The following DGAT2 variants were observed in gnomAD, a reference collection of about 807,000 sequenced individuals.
DGAT2 encodes diacylglycerol O-acyltransferase 2.
In DGAT2, 33 loss-of-function variants were observed where a neutral mutation model predicts 48.4. The observed-to-expected ratio is 0.68, with a 90% confidence interval of 0.52 to 0.91. The LOEUF (loss-of-function observed/expected upper bound fraction) is 0.91. DGAT2 is among the 40% of genes least tolerant of loss of function. The pLI is 0.00. For missense variants in DGAT2, 446 were observed against 493.7 expected (o/e 0.90, Z 0.92); for synonymous variants, 191 against 194.1 (o/e 0.98, Z 0.13).
intron 1 of DGAT2, among the ~76,000 whole-genome samples, 154 bp downstream of exon 1, chr11:75,769,266 C>A (rs1944732425): frequency 6.6e-6 from 1 of 152,178 alleles, no homozygotes; most frequent in Admixed American, 6.5e-5. Flanking sequence ...TCCACCCGCC[C>A]CCCAGCTTGT....
Position 75,801,031 on chromosome 11 carries a change from C to A in DGAT2, c.*523C>A. The A allele has an allele frequency of 6.3e-6, 1 of 158,000 alleles. No homozygotes were observed. The highest frequency in any genetic ancestry group is 1.4e-5 in the Non-Finnish European group (1 of 71,720). 9.8% of individuals were successfully genotyped at this position (158,000 alleles called of 1,614,324 possible). On this transcript the variant is annotated 3_prime_UTR_variant, in exon 8 of 8. Coordinates refer to ENST00000228027, the MANE Select transcript of DGAT2 (RefSeq NM_032564.5). Reference sequence around the variant, plus strand: ...GGCATCTGGAATGCTCCAGTTTGATCTCCCTTCTGCCACCCCTACCTCACC... The same window carrying A: ...GGCATCTGGAATGCTCCAGTTTGATATCCCTTCTGCCACCCCTACCTCACC...
intron 2 of DGAT2, among the ~76,000 whole-genome samples, chr11:75,789,473 G>A (rs1944959766): frequency 6.6e-6 from 1 of 152,174 alleles, no homozygotes; most frequent in South Asian, 2.1e-4. Flanking sequence ...AAGACAGGGA[G>A]GCTGATGGGC....
intron 1 of DGAT2, among the ~76,000 whole-genome samples, chr11:75,771,753 C>G (rs914440026): frequency 6.6e-6 from 1 of 152,118 alleles, no homozygotes; most frequent in African/African-American, 2.4e-5. Context: ...ACTTCCCCAG[C>G]TGAATAGAGG....
intron 1 of DGAT2, among the ~76,000 whole-genome samples, chr11:75,775,274 T>C (rs1944793623): frequency 6.6e-6 from 1 of 152,100 alleles, no homozygotes; most frequent in Non-Finnish European, 1.5e-5. Context: ...CTACAGATGC[T>C]CAGGATGCCT....
intron 1 of DGAT2, 82 bp downstream of exon 1, chr11:75,769,194 G>T: frequency 6.9e-7 from 1 of 1,455,228 alleles, no homozygotes. Context: ...GGGTACTGAT[G>T]AGTCCACGTT....
chr11:75,796,552 GCTC>G lies in DGAT2; in HGVS notation c.634+23_634+25del. The G allele has an allele frequency of 1.2e-6, 2 of 1,607,768 alleles. No individual in the cohort carries two copies. Among genetic ancestry groups the G allele is most frequent in the Non-Finnish European group, 1.7e-6 (2 of 1,177,168 alleles). ...CTGGAGGTAAGAATCCACCCCCTGT[GCTC>G]CTGCTGGGCACTGTTGTCAAGGCCT... On this transcript the variant is annotated intron_variant, in intron 5 of 7. Coordinates refer to ENST00000228027, the MANE Select transcript of DGAT2 (RefSeq NM_032564.5).
chr11:75,797,164 G>T lies in DGAT2; in HGVS notation c.641G>T (p.Cys214Phe), dbSNP rs1215917285. The change falls in exon 6 of 8, where the codon TGC (cysteine) becomes TTC (phenylalanine). Residue 214 changes from cysteine to phenylalanine, a missense_variant. Transcript: ENST00000228027. ...LREYLMSGGI[C>F]PVSRDTIDYL... Reference sequence around the variant, plus strand: ...CGTCCTTCCCTCCCCTCAGGTATCTGCCCTGTCAGCCGGGACACCATAGAC... The same window carrying T: ...CGTCCTTCCCTCCCCTCAGGTATCTTCCCTGTCAGCCGGGACACCATAGAC... The T allele has an allele frequency of 6.7e-7, 1 of 1,490,040 alleles. No individual in the cohort carries two copies. Among genetic ancestry groups the T allele is most frequent in the Non-Finnish European group, 9.0e-7 (1 of 1,113,386 alleles). 92.3% of individuals were successfully genotyped at this position (1,490,040 alleles called of 1,614,324 possible).
At chr11:75,796,710 T>G in intron 5 of DGAT2, 178 bp downstream of exon 5, 1 of 633,432 alleles carries the variant, frequency 1.6e-6, no homozygotes. Context: ...GTCCATATGG[T>G]CTTGAGAATT....
chr11:75,779,143 C>G (rs938392241), intron 1 of DGAT2, among the ~76,000 whole-genome samples: 1 of 152,144 alleles, frequency 6.6e-6, no homozygotes, highest in Non-Finnish European at 1.5e-5. Context: ...AGACACCCTT[C>G]AACACCCCAG....
At chr11:75,784,494 C>T in intron 1 of DGAT2, 124 bp from the exon 2 acceptor site, 1 of 1,370,822 alleles carries the variant, frequency 7.3e-7, no homozygotes, top group Non-Finnish European at 1.0e-6. Flanking sequence ...CCAGGTCTGT[C>T]TGATTCTATA....
intron 1 of DGAT2, among the ~76,000 whole-genome samples, chr11:75,779,079 G>A (rs1944834449): frequency 6.6e-6 from 1 of 152,126 alleles, no homozygotes; most frequent in African/African-American, 2.4e-5. Context: ...TCAGCCCCGA[G>A]GTGTGGCCTT....
In DGAT2 at chr11:75,797,191, A is replaced by C. The variant is rs1945065850; in HGVS notation, c.668A>C (p.Tyr223Ser). 1 of 1,547,368 alleles carries C rather than the reference A, an allele frequency of 6.5e-7. No homozygotes were observed. Among genetic ancestry groups the C allele is most frequent in the Admixed American group, 1.9e-5 (1 of 53,092 alleles). ...CCTGTCAGCCGGGACACCATAGACT[A>C]TTTGCTTTCAAAGAATGGGAGTGGC... The part of the protein sequence containing the change: ...ICPVSRDTID[Y>S]LLSKNGSGNA... Residue 223 changes from tyrosine (Y) to serine (S), a missense_variant, in exon 6 of 8, where the codon TAT (tyrosine) becomes TCT (serine). Tyr to Ser is a moderately radical substitution (Grantham distance 144). Coordinates refer to ENST00000228027, the MANE Select transcript of DGAT2 (RefSeq NM_032564.5).
intron 1 of DGAT2, among the ~76,000 whole-genome samples, chr11:75,779,543 C>T (rs1019438283): frequency 5.3e-5 from 8 of 152,180 alleles, no homozygotes; most frequent in Admixed American, 5.2e-4. Flanking sequence ...TGAAGCCCCA[C>T]ATAGGCGCAG....
intron 1 of DGAT2, among the ~76,000 whole-genome samples, chr11:75,780,820 C>T (rs1944855435): frequency 6.6e-6 from 1 of 152,206 alleles, no homozygotes; most frequent in African/African-American, 2.4e-5. Flanking sequence ...GGTGTTGGTG[C>T]CAAACTCACA....
intron 1 of DGAT2, among the ~76,000 whole-genome samples, chr11:75,770,227 C>T (rs963298703): frequency 2.6e-5 from 4 of 152,170 alleles, no homozygotes; most frequent in South Asian, 4.1e-4. Flanking sequence ...TAATCAGAAT[C>T]ACTTACAATG....
In DGAT2 at chr11:75,798,379, C is replaced by T. The variant is rs1477845039; in HGVS notation, c.962C>T (p.Ser321Phe). 2.5e-6 allele frequency: 4 copies of T among 1,613,920 alleles called. No homozygotes were observed. The highest frequency in any genetic ancestry group is 1.7e-5 in the Admixed American group (1 of 60,030). ...PCIFHGRGLF[S>F]SDTWGLVPYS... ...ATCTTCCATGGTCGAGGCCTCTTCT[C>T]CTCCGACACCTGGGGGCTGGTGCCC... The change falls in exon 7 of 8, where the codon TCC becomes TTC. Residue 321 changes from serine (S) to phenylalanine (F), a missense_variant. Coordinates refer to ENST00000228027, the MANE Select transcript of DGAT2 (RefSeq NM_032564.5).
intron 7 of DGAT2, among the ~76,000 whole-genome samples, chr11:75,799,387 C>T (rs1466751385): frequency 1.3e-5 from 2 of 152,056 alleles, no homozygotes; most frequent in South Asian, 2.1e-4. Flanking sequence ...ATGGAAGCCA[C>T]GAGACCAGCC....
rs555522864 is a variant in DGAT2, at chr11:75,769,088, T to C, written c.97T>C (p.Ser33Pro). The change falls in exon 1 of 8, where the codon TCG (serine) becomes CCG (proline). Residue 33 changes from serine to proline, a missense_variant. Physicochemically the swap from Ser to Pro is moderately conservative, Grantham distance 74. Transcript: ENST00000228027. Reference sequence around the variant, plus strand: ...GCGCTCTCACGGAGGACCTGCGCTGTCGCGCGAGGGGTCTGGGAGATGGGG... The same window carrying C: ...GCGCTCTCACGGAGGACCTGCGCTGCCGCGCGAGGGGTCTGGGAGATGGGG... ...SQRSHGGPAL[S>P]REGSGRWGTG... 80 of 1,572,554 alleles carry C rather than the reference T, an allele frequency of 5.1e-5. No individual in the cohort carries two copies. Among genetic ancestry groups the C allele is most frequent in the Non-Finnish European group, 6.5e-5 (76 of 1,163,802 alleles).
Position 75,790,228 on chromosome 11 carries a change from T to C in DGAT2, c.291T>C (p.Thr97=). The C allele has an allele frequency of 1.2e-6, 2 of 1,614,212 alleles. No individual in the cohort carries two copies. Among genetic ancestry groups the C allele is most frequent in the Non-Finnish European group, 1.7e-6 (2 of 1,180,032 alleles). ...CSAILMYIFC[T]DCWLIAVLYF... ...CCATCCTCATGTACATATTCTGCAC[T>C]GATTGCTGGCTCATCGCTGTGCTCT... The change falls in exon 3 of 8, where the codon ACT becomes ACC. Residue 97 remains threonine, a synonymous_variant. Coordinates refer to ENST00000228027, the MANE Select transcript of DGAT2 (RefSeq NM_032564.5).
Sources: allele counts gnomAD v4.1 joint callset (sites outside exome capture counted in the v4.1 genomes callset), GRCh38; gene constraint gnomAD v4.1.1; transcripts MANE v1.5; gene names NCBI Gene and HGNC (gene_info 2026-07-23, HGNC 2026-07-21).